The following EDN1 variants were observed in gnomAD, a reference collection of about 807,000 sequenced individuals.
EDN1 encodes the protein endothelin 1, also known as endothelin-1.
Under a neutral mutation model 21.7 loss-of-function variants are expected in EDN1, and 11 were observed. The ratio of observed to expected loss-of-function variants is 0.51; its 90% CI spans 0.32 to 0.84. The LOEUF is 0.84. Among genes scored for constraint, EDN1 ranks in the 40% least tolerant of loss-of-function variants. EDN1 has a pLI of 0.03. For synonymous variants in EDN1, 85 were observed against 90.6 expected, an observed-to-expected ratio of 0.94 and a Z score of 0.35; for missense variants, 244 against 262.3, an observed-to-expected ratio of 0.93 and a Z score of 0.48.
rs1762767351 is a variant in EDN1 at position 12,294,297 on chromosome 6, T to A, written c.426T>A (p.His142Gln). 6.2e-7 allele frequency: 1 copy of A among 1,614,018 alleles called. No homozygotes were observed. The change falls in exon 4 of 5, where the codon CAT becomes CAA. Residue 142 changes from histidine (H) to glutamine (Q), a missense_variant. Physicochemically the swap from His to Gln is conservative, Grantham distance 24 (BLOSUM62 0). Coordinates refer to ENST00000379375, the MANE Select transcript of EDN1 (RefSeq NM_001955.5). ...EDIMEKDWNNHKKGKDCSKLG... is the reference protein window; with the variant it reads ...EDIMEKDWNNQKKGKDCSKLG... ...TTATGGAGAAAGACTGGAATAATCA[T>A]AAGAAAGGAAAAGACTGTTCCAAGC...
At chr6:12,231,127 A>T in the EDN1 span, among the ~76,000 whole-genome samples, 6 of 152,248 alleles carry the variant, frequency 3.9e-5, no homozygotes, top group African/African-American at 1.2e-4. Context: ...AAGCCGTGAG[A>T]TTAACAGCCC....
chr6:12,293,545 T>G (rs1204674570), intron 2 of EDN1, among the ~76,000 whole-genome samples: 1 of 152,244 alleles, frequency 6.6e-6, no homozygotes, highest in Non-Finnish European at 1.5e-5. Context: ...GTCATGGTTT[T>G]GCATTGAAAC....
the EDN1 span, among the ~76,000 whole-genome samples, chr6:12,258,112 T>C: frequency 6.6e-6 from 1 of 151,860 alleles, no homozygotes; most frequent in Admixed American, 6.6e-5. Flanking sequence ...TACTAATTAG[T>C]ATAATTGCAA....
chr6:12,234,187 T>A, the EDN1 span, among the ~76,000 whole-genome samples: 4 of 152,212 alleles, frequency 2.6e-5, no homozygotes, highest in Admixed American at 2.6e-4. Context: ...AAGCACCACC[T>A]TGTGGTCTGA....
At position 12,294,317 on chromosome 6, in the gene EDN1, C is replaced by T; in HGVS notation, c.446C>T (p.Ser149Phe). ...AATCATAAGAAAGGAAAAGACTGTT[C>T]CAAGCTTGGGAAAAAGTGTATTTAT... The part of the protein sequence containing the change: ...WNNHKKGKDC[S>F]KLGKKCIYQQ... The change falls in exon 4 of 5, where the codon TCC becomes TTC. Residue 149 changes from serine to phenylalanine, a missense_variant. Physicochemically the swap from Ser to Phe is radical, Grantham distance 155. Coordinates refer to ENST00000379375, the MANE Select transcript of EDN1 (RefSeq NM_001955.5). The T allele has an allele frequency of 1.2e-6, 2 of 1,614,042 alleles. No individual in the cohort carries two copies. The highest frequency in any genetic ancestry group is 3.3e-4 in the Middle Eastern group (2 of 6,062).
At chr6:12,283,556 A>C in the EDN1 span, among the ~76,000 whole-genome samples, 1 of 152,250 alleles carries the variant, frequency 6.6e-6, no homozygotes, top group South Asian at 2.1e-4. Flanking sequence ...TGAATGGTCA[A>C]AATCACTGGA....
chr6:12,279,879 A>G, the EDN1 span, among the ~76,000 whole-genome samples: 2 of 152,262 alleles, frequency 1.3e-5, no homozygotes, highest in Non-Finnish European at 2.9e-5. Context: ...GGAAACCTTC[A>G]GAGATTGTTG....
At chr6:12,270,945 T>A in the EDN1 span, among the ~76,000 whole-genome samples, 1 of 152,212 alleles carries the variant, frequency 6.6e-6, no homozygotes, top group South Asian at 2.1e-4. Context: ...TTTACGCATT[T>A]GGGTGCTCAA....
chr6:12,285,724 C>T, upstream of EDN1, among the ~76,000 whole-genome samples: 1 of 152,124 alleles, frequency 6.6e-6, no homozygotes, highest in Admixed American at 6.5e-5. Context: ...GCATGCGCCA[C>T]CATGCCTGGC....
chr6:12,254,519 G>A, the EDN1 span, among the ~76,000 whole-genome samples: 1 of 151,936 alleles, frequency 6.6e-6, no homozygotes, highest in Non-Finnish European at 1.5e-5. Flanking sequence ...ATAAAGCTGT[G>A]GACCATATCC....
the EDN1 span, among the ~76,000 whole-genome samples, chr6:12,262,515 G>A: frequency 2.0e-5 from 3 of 152,144 alleles, no homozygotes; most frequent in Non-Finnish European, 2.9e-5. Flanking sequence ...AAGAGTGAGA[G>A]TAAATTAGTA....
rs543706326 is a variant in EDN1, at chr6:12,293,340, G to C, written c.234-601G>C. Among the ~76,000 whole-genome samples the C allele has an allele frequency of 2.8e-4, 42 of 152,248 alleles. No individual in the cohort carries two copies. The South Asian group carries it at 8.5e-3, about 31-fold the overall frequency. ...TATTTCTTAGATGAGAATGAAAATG[G>C]ACACATTGGAAATTATTGGAGAGCC... On this transcript the variant is annotated intron_variant, in intron 2 of 4. Coordinates refer to ENST00000379375, the MANE Select transcript of EDN1 (RefSeq NM_001955.5).
the EDN1 span, among the ~76,000 whole-genome samples, chr6:12,280,896 A>G: frequency 1.3e-5 from 2 of 152,008 alleles, no homozygotes; most frequent in Non-Finnish European, 2.9e-5. Flanking sequence ...CCATCTCAAA[A>G]AACAAACAAA....
the EDN1 span, among the ~76,000 whole-genome samples, chr6:12,262,385 A>G: frequency 6.6e-6 from 1 of 152,140 alleles, no homozygotes; most frequent in African/African-American, 2.4e-5. Flanking sequence ...ACTGTGTGAA[A>G]TCTTGGCTGA....
chr6:12,244,167 G>C, the EDN1 span, among the ~76,000 whole-genome samples: 1,705 of 152,036 alleles, frequency 0.011, 41 homozygotes, highest in African/African-American at 0.039. Context: ...ATATTTATTT[G>C]TTTAAAGCAA....
the EDN1 span, among the ~76,000 whole-genome samples, chr6:12,231,115 A>G: frequency 5.4e-4 from 82 of 152,358 alleles, no homozygotes; most frequent in Middle Eastern, 6.8e-3. Flanking sequence ...TAACCAAACA[A>G]TAAGCCGTGA....
At chr6:12,255,741 A>T in the EDN1 span, among the ~76,000 whole-genome samples, 1 of 152,334 alleles carries the variant, frequency 6.6e-6, no homozygotes, top group Admixed American at 6.5e-5. Flanking sequence ...TTCCAATATT[A>T]ACTGACAGAC....
the EDN1 span, among the ~76,000 whole-genome samples, chr6:12,270,683 T>C: frequency 3.9e-5 from 6 of 152,218 alleles, no homozygotes; most frequent in Non-Finnish European, 4.4e-5. Flanking sequence ...ACACTTGGCT[T>C]GTGGCCTAAC....
the EDN1 span, among the ~76,000 whole-genome samples, chr6:12,247,524 T>C: frequency 3.0e-5 from 4 of 134,702 alleles, no homozygotes; most frequent in Non-Finnish European, 6.1e-5. Flanking sequence ...TTCTTTTTTT[T>C]TTTCTTTCTT....
Sources: allele counts gnomAD v4.1 joint callset (sites outside exome capture counted in the v4.1 genomes callset), GRCh38; gene constraint gnomAD v4.1.1; transcripts MANE v1.5; gene names NCBI Gene and HGNC (gene_info 2026-07-23, HGNC 2026-07-21).